The following PPP2R2B variants were observed in gnomAD, a reference collection of about 807,000 sequenced individuals.
The protein encoded by PPP2R2B is protein phosphatase 2 regulatory subunit Bbeta.
Under a neutral mutation model 46.0 loss-of-function variants are expected in PPP2R2B, and 5 were observed. That is an observed-to-expected ratio of 0.11 (90% confidence interval 0.06 to 0.23). PPP2R2B has a LOEUF of 0.23. PPP2R2B is among the 10% of genes least tolerant of loss of function. The pLI, the probability that PPP2R2B is intolerant of heterozygous loss-of-function variation, is 1.00. For synonymous variants in PPP2R2B, 215 were observed against 206.7 expected, an observed-to-expected ratio of 1.04 and a Z score of -0.34; for missense variants, 367 against 575.0, an observed-to-expected ratio of 0.64 and a Z score of 3.70.
At chr5:146,716,554 T>C (rs540651344) in intron 2 of PPP2R2B, among the ~76,000 whole-genome samples, 58 of 152,312 alleles carry the variant, frequency 3.8e-4, no homozygotes, top group African/African-American at 1.2e-3. Flanking sequence ...TAAATATGCA[T>C]GTACTTATAT....
intron 2 of PPP2R2B, among the ~76,000 whole-genome samples, chr5:146,809,618 C>T (rs1757401286): frequency 6.6e-6 from 1 of 152,100 alleles, no homozygotes; most frequent in Admixed American, 6.6e-5. Context: ...TAGCCTGCAG[C>T]CAGAGCTTAG....
chr5:146,845,867 T>C (rs1481819505), intron 2 of PPP2R2B, among the ~76,000 whole-genome samples: 1 of 152,178 alleles, frequency 6.6e-6, no homozygotes, highest in Non-Finnish European at 1.5e-5. Flanking sequence ...TGACTAACTT[T>C]GGGAGCTCCA....
chr5:146,781,667 C>T (rs1007078522), intron 2 of PPP2R2B, among the ~76,000 whole-genome samples: 1 of 151,342 alleles, frequency 6.6e-6, no homozygotes, highest in Admixed American at 6.6e-5. Context: ...TAATCAATAC[C>T]AGTTAAAAAA....
chr5:147,049,799 C>G (rs1035785026), intron 1 of PPP2R2B, among the ~76,000 whole-genome samples: 1 of 152,086 alleles, frequency 6.6e-6, no homozygotes, highest in Non-Finnish European at 1.5e-5. Flanking sequence ...ATGTGGTGGT[C>G]ATTGTTGACT....
intron 1 of PPP2R2B, among the ~76,000 whole-genome samples, chr5:146,903,917 T>C (rs1253219075): frequency 6.6e-6 from 1 of 152,186 alleles, no homozygotes; most frequent in Non-Finnish European, 1.5e-5. Context: ...CAGTACCAAA[T>C]GGTGCCAAAT....
intron 1 of PPP2R2B, among the ~76,000 whole-genome samples, chr5:146,935,526 G>A (rs1389068633): frequency 2.0e-5 from 3 of 152,122 alleles, no homozygotes; most frequent in Non-Finnish European, 4.4e-5. Context: ...GCCAATATGG[G>A]GGAATGCCAA....
intron 2 of PPP2R2B, among the ~76,000 whole-genome samples, chr5:146,796,886 T>C (rs1756573087): frequency 1.3e-5 from 2 of 152,196 alleles, no homozygotes. Context: ...TCTGAACTTT[T>C]ATAGTAGTGA....
At chr5:146,890,672 T>C (rs1347370602) in intron 1 of PPP2R2B, among the ~76,000 whole-genome samples, 3 of 152,268 alleles carry the variant, frequency 2.0e-5, no homozygotes, top group Admixed American at 6.5e-5. Context: ...GGAATAAATA[T>C]AGAGTAAAAA....
chr5:146,742,068 C>T (rs1448766532), intron 2 of PPP2R2B, among the ~76,000 whole-genome samples: 1 of 152,114 alleles, frequency 6.6e-6, no homozygotes, highest in African/African-American at 2.4e-5. Context: ...GGAATCAAAC[C>T]TTCACGTTCT....
chr5:146,960,090 T>C (rs1334617297), intron 1 of PPP2R2B, among the ~76,000 whole-genome samples: 1 of 152,120 alleles, frequency 6.6e-6, no homozygotes, highest in African/African-American at 2.4e-5. Flanking sequence ...TAATACTACA[T>C]TGTTTCAGGA....
chr5:146,638,230 C>A (rs745559068), intron 7 of PPP2R2B, 21 bp downstream of exon 7: 3 of 1,608,238 alleles, frequency 1.9e-6, no homozygotes, highest in Non-Finnish European at 2.6e-6. Context: ...TGCCCCCCAC[C>A]TCCCTTCAGT....
chr5:146,706,445 C>A (rs867278015), intron 2 of PPP2R2B: 2 of 1,067,168 alleles, frequency 1.9e-6, no homozygotes, highest in South Asian at 2.5e-5. Context: ...CATCTTCCAG[C>A]AGCTTCCTGT....
chr5:147,059,414 G>T (rs577635599), upstream of PPP2R2B, among the ~76,000 whole-genome samples: 5 of 152,248 alleles, frequency 3.3e-5, no homozygotes, highest in South Asian at 1.0e-3. Flanking sequence ...TCTGTAAGTG[G>T]CATTAGTCTC....
At chr5:146,710,674 A>G (rs1265822136) in intron 2 of PPP2R2B, among the ~76,000 whole-genome samples, 1 of 152,244 alleles carries the variant, frequency 6.6e-6, no homozygotes, top group Non-Finnish European at 1.5e-5. Flanking sequence ...CAGAGGAGTA[A>G]TTAACTGCTC....
chr5:146,581,729 C>T lies in PPP2R2B; in HGVS notation c.*8218G>A, dbSNP rs1769905390. ...GTATTGTGGCTTGTATGTAATATGACTCACTTTACTTTCCTTTACGGAGAA... is the reference window on the plus strand; with the variant it reads ...GTATTGTGGCTTGTATGTAATATGATTCACTTTACTTTCCTTTACGGAGAA... On this transcript the variant is annotated 3_prime_UTR_variant, in exon 10 of 10. Coordinates refer to ENST00000394411, the MANE Select transcript of PPP2R2B (RefSeq NM_181675.4). 1 of 152,142 alleles carries T rather than the reference C, an allele frequency of 6.6e-6. No individual in the cohort carries two copies. The highest frequency in any genetic ancestry group is 1.5e-5 in the Non-Finnish European group (1 of 68,044). The allele number at this position is 152,142 out of a possible 1,614,324, so 9.4% of individuals were successfully genotyped here.
Position 146,731,963 on chromosome 5 carries a change from T to G in PPP2R2B, c.71-30821A>C, listed in dbSNP as rs780424737. Among the ~76,000 whole-genome samples the G allele has an allele frequency of 3.3e-5, 5 of 152,270 alleles. No homozygotes were observed. In the South Asian group the frequency reaches 1.0e-3, roughly 32 times the overall value. ...TGACCCCAAAGTTAGAGCGTAAATA[T>G]CTCCCACTAACTTGATGATTAAGAT... On this transcript the variant is annotated intron_variant, in intron 2 of 9. Coordinates refer to ENST00000394411, the MANE Select transcript of PPP2R2B (RefSeq NM_181675.4).
chr5:146,839,420 T>C lies in PPP2R2B; in HGVS notation c.70+38582A>G, dbSNP rs184167011. On this transcript the variant is annotated intron_variant, in intron 2 of 9. Coordinates refer to ENST00000394411, the MANE Select transcript of PPP2R2B (RefSeq NM_181675.4). The stretch of plus-strand genomic sequence containing the variant: ...CTGTAATCCCAGCTACTCGGGAGGC[T>C]GGGGCAGGAGAATCGCTTGAGCCTG... 3.4e-3 allele frequency among the ~76,000 whole-genome samples: 514 copies of C among 152,246 alleles called. 3 individuals carry two copies. The highest frequency in any genetic ancestry group is 6.8e-3 in the Middle Eastern group (2 of 294).
At chr5:146,735,064 T>A (rs1752455784) in intron 2 of PPP2R2B, among the ~76,000 whole-genome samples, 1 of 152,192 alleles carries the variant, frequency 6.6e-6, no homozygotes, top group Non-Finnish European at 1.5e-5. Flanking sequence ...AGAGGTGGAA[T>A]TGCTTTGAAT....
At chr5:146,941,981 T>C (rs1175679244) in intron 1 of PPP2R2B, among the ~76,000 whole-genome samples, 1 of 152,170 alleles carries the variant, frequency 6.6e-6, no homozygotes, top group Non-Finnish European at 1.5e-5. Context: ...CTTGGCATTC[T>C]TTGGCTTGTA....
Sources: gnomAD v4.1 joint callset for allele counts (sites outside exome capture counted in the v4.1 genomes callset) on GRCh38, gnomAD v4.1.1 for gene constraint, MANE v1.5 for transcripts, NCBI Gene and HGNC (gene_info 2026-07-23, HGNC 2026-07-21) for gene names.